Variants in HTR4 observed in about 807,000 individuals in gnomAD.
The protein encoded by HTR4 is 5-hydroxytryptamine receptor 4.
HTR4 carries 16 observed loss-of-function variants against 36.8 expected under a neutral mutation model. The observed-to-expected ratio is 0.43, with a 90% CI of 0.29 to 0.66. The LOEUF (loss-of-function observed/expected upper bound fraction) is 0.66. Ranked by LOEUF, HTR4 falls within the 30% of genes least tolerant of loss-of-function variation. The pLI, the probability that HTR4 is intolerant of heterozygous loss-of-function variation, is 0.13. For missense variants in HTR4, 438 were observed against 490.9 expected, an observed-to-expected ratio of 0.89 and a Z score of 1.02; for synonymous variants, 189 against 185.1, an observed-to-expected ratio of 1.02 and a Z score of -0.17.
chr5:148,654,217 C>T lies in HTR4; in HGVS notation c.-203G>A. ...CCTCGGGTGCGGGCTCCAGCCCCCG[C>T]GCTGGGGAGCCGGCGAGCGTGAGGC... On this transcript the variant is annotated 5_prime_UTR_variant, in exon 1 of 7. Coordinates refer to ENST00000377888, the MANE Select transcript of HTR4 (RefSeq NM_000870.7). 1.0e-6 allele frequency: 1 copy of T among 985,106 alleles called. No homozygotes were observed. The highest frequency in any genetic ancestry group is 1.2e-6 in the Non-Finnish European group (1 of 829,814). The allele number at this position is 985,106 out of a possible 1,614,324, so 61.0% of individuals were successfully genotyped here. A position where few individuals can be genotyped will look rare whatever the true frequency, so the allele number is the denominator to read the frequency against.
In HTR4 at chr5:148,601,764, A is replaced by G. The variant is rs527665010; in HGVS notation, c.26+35225T>C. On this transcript the variant is annotated intron_variant, in intron 2 of 6. Transcript: ENST00000377888. ...TGCAGTGAACTAAGGTGGTGCGGCCACACTCCGGCCTGGGAGACACAGCAA... is the reference window on the plus strand; with the variant it reads ...TGCAGTGAACTAAGGTGGTGCGGCCGCACTCCGGCCTGGGAGACACAGCAA... Among the ~76,000 whole-genome samples, 44 of 152,268 alleles carry G rather than the reference A, an allele frequency of 2.9e-4. No individual in the cohort carries two copies. In the South Asian group the frequency reaches 8.5e-3, roughly 29 times the overall value.
At chr5:148,574,390 G>GCT (rs137966163) in intron 2 of HTR4, among the ~76,000 whole-genome samples, 27,631 of 148,540 alleles carry the variant, frequency 0.19, 3,377 homozygotes, top group African/African-American at 0.35. Context: ...GCTCTCGCGC[G>GCT]CTCTCTCTCT....
intron 5 of HTR4, among the ~76,000 whole-genome samples, chr5:148,471,245 T>C (rs918401418): frequency 2.6e-5 from 4 of 152,224 alleles, no homozygotes; most frequent in Admixed American, 6.5e-5. Context: ...TGGAACAGAC[T>C]TGGGGGCTAG....
intron 1 of HTR4, among the ~76,000 whole-genome samples, chr5:148,650,037 A>C (rs1581587022): frequency 6.8e-6 from 1 of 146,420 alleles, no homozygotes; most frequent in Non-Finnish European, 1.5e-5. Flanking sequence ...TTTTTTTTTT[A>C]AGTTTTAATT....
chr5:148,565,126 AG>A (rs1334228917), intron 2 of HTR4, among the ~76,000 whole-genome samples: 7 of 150,752 alleles, frequency 4.6e-5, no homozygotes, highest in Non-Finnish European at 1.0e-4. Flanking sequence ...AAAAAAAAAA[AG>A]ATTAATAAAT....
chr5:148,640,662 AT>A (rs2127311229), intron 1 of HTR4, among the ~76,000 whole-genome samples: 1 of 152,316 alleles, frequency 6.6e-6, no homozygotes, highest in Non-Finnish European at 1.5e-5. Context: ...GAGCCAACAA[AT>A]TCTTTTTGCC....
intron 6 of HTR4, among the ~76,000 whole-genome samples, chr5:148,489,116 G>T (rs1251083730): frequency 6.6e-6 from 1 of 152,080 alleles, no homozygotes; most frequent in African/African-American, 2.4e-5. Flanking sequence ...AAAATATCTA[G>T]GAGAAAATAC....
chr5:148,501,530 G>T (rs146642308), intron 6 of HTR4, among the ~76,000 whole-genome samples: 1 of 152,142 alleles, frequency 6.6e-6, no homozygotes, highest in Non-Finnish European at 1.5e-5. Flanking sequence ...TAAAACAATT[G>T]ATCAGAAGAA....
At chr5:148,644,853 A>G (rs1386093495) in intron 1 of HTR4, 2 of 152,168 alleles carry the variant, frequency 1.3e-5, no homozygotes, top group Non-Finnish European at 2.9e-5. Context: ...CAGGTCCATC[A>G]TTGGAAGTCT....
At chr5:148,611,323 G>A (rs1337312128) in intron 2 of HTR4, among the ~76,000 whole-genome samples, 1 of 152,066 alleles carries the variant, frequency 6.6e-6, no homozygotes, top group Non-Finnish European at 1.5e-5. Flanking sequence ...ACTAACAGCG[G>A]ATCTGTCGGC....
At chr5:148,540,430 ATATATATATATATATATAATCT>A (rs1759058951) in intron 4 of HTR4, among the ~76,000 whole-genome samples, 1 of 137,044 alleles carries the variant, frequency 7.3e-6, no homozygotes, top group South Asian at 2.3e-4. Flanking sequence ...ATATATATAT[ATATATATATATATATATAATCT>A]TATATATAAT....
At position 148,567,857 on chromosome 5, in the gene HTR4, A is replaced by T. The variant is rs1162841345; in HGVS notation, c.27-17595T>A. ...TTTTTCCTGATGGTATGTATCTAAC[A>T]TATTGTATATTTCTTTGTTTTCTAG... On this transcript the variant is annotated intron_variant, in intron 2 of 6. Transcript: ENST00000377888. Among the ~76,000 whole-genome samples the T allele has an allele frequency of 3.3e-5, 5 of 152,234 alleles. No individual in the cohort carries two copies. The South Asian group carries it at 1.0e-3, about 32-fold the overall frequency.
chr5:148,504,609 C>A (rs1272669291), intron 6 of HTR4, among the ~76,000 whole-genome samples: 1 of 151,982 alleles, frequency 6.6e-6, no homozygotes. Flanking sequence ...CAAACACATT[C>A]AAAAGCTAGC....
chr5:148,651,427 C>T (rs1166467942), intron 1 of HTR4, among the ~76,000 whole-genome samples: 5 of 152,126 alleles, frequency 3.3e-5, no homozygotes, highest in Admixed American at 6.5e-5. Flanking sequence ...TTACAGGACT[C>T]GTGCTTGAAT....
intron 5 of HTR4, among the ~76,000 whole-genome samples, chr5:148,455,610 T>C (rs1264021809): frequency 6.6e-6 from 1 of 152,150 alleles, no homozygotes; most frequent in East Asian, 1.9e-4. Flanking sequence ...AGTAAGCAGA[T>C]GGGCACGTTT....
intron 1 of HTR4, among the ~76,000 whole-genome samples, chr5:148,640,731 T>C (rs1753705505): frequency 6.6e-6 from 1 of 152,200 alleles, no homozygotes; most frequent in African/African-American, 2.4e-5. Context: ...CTGAGTAATA[T>C]ACAATAAAAT....
chr5:148,639,563 C>A (rs1056698505), intron 1 of HTR4, among the ~76,000 whole-genome samples: 1 of 149,486 alleles, frequency 6.7e-6, no homozygotes, highest in African/African-American at 2.5e-5. Flanking sequence ...CAATTTCACA[C>A]CCCATTTTCT....
chr5:148,595,310 C>T lies in HTR4; in HGVS notation c.26+41679G>A, dbSNP rs116337747. Among the ~76,000 whole-genome samples the T allele has an allele frequency of 6.2e-3, 949 of 152,242 alleles. 8 individuals are homozygous for T. Among genetic ancestry groups the T allele is most frequent in the African/African-American group, 0.021 (887 of 41,544 alleles). ...TTCTCCAGAGAAAATTCTAGCACCA[C>T]CACGACCAATGGACACAGATGCCCC... On this transcript the variant is annotated intron_variant, in intron 2 of 6. Coordinates refer to ENST00000377888, the MANE Select transcript of HTR4 (RefSeq NM_000870.7).
chr5:148,573,683 G>T (rs192539324), intron 2 of HTR4, among the ~76,000 whole-genome samples: 1 of 152,084 alleles, frequency 6.6e-6, no homozygotes, highest in Admixed American at 6.6e-5. Flanking sequence ...ATGAGCAGTG[G>T]TTGACCTCCT....
Sources: allele counts gnomAD v4.1 joint callset (sites outside exome capture counted in the v4.1 genomes callset), GRCh38; gene constraint gnomAD v4.1.1; transcripts MANE v1.5; gene names NCBI Gene and HGNC (gene_info 2026-07-23, HGNC 2026-07-21).